CELA3A: variants seen among roughly 807,000 people sequenced by gnomAD.
The protein encoded by CELA3A is chymotrypsin like elastase 3A.
CELA3A carries 35 observed loss-of-function variants against 38.6 expected under a neutral mutation model. The observed-to-expected ratio is 0.91, with a 90% CI of 0.69 to 1.20. CELA3A has a LOEUF of 1.20. Ranked by LOEUF, CELA3A falls within the 50% of genes most tolerant of loss-of-function variation. The pLI is 0.00. For synonymous variants in CELA3A, 143 were observed against 136.7 expected (o/e 1.05, Z -0.32); for missense variants, 343 against 354.2 (o/e 0.97, Z 0.25).
At chr1:22,006,326 C>T (rs114687333) in intron 4 of CELA3A, among the ~76,000 whole-genome samples, 1,903 of 151,176 alleles carry the variant, frequency 0.013, 131 homozygotes, top group African/African-American at 0.043. Context: ...GGTGTGAAGG[C>T]CAAGGAGACA....
chr1:22,005,382 G>T, intron 2 of CELA3A, 65 bp from the exon 3 acceptor site: 1 of 1,404,390 alleles, frequency 7.1e-7, no homozygotes, highest in Non-Finnish European at 9.9e-7. Flanking sequence ...AACCTATACA[G>T]CCATTGGTGG....
intron 1 of CELA3A, 33 bp downstream of exon 1, chr1:22,001,750 G>C: frequency 1.2e-6 from 2 of 1,610,828 alleles, no homozygotes; most frequent in South Asian, 2.2e-5. Flanking sequence ...TGCTCCCTGG[G>C]CTGCCCTGGA....
intron 7 of CELA3A, 56 bp downstream of exon 7, chr1:22,009,913 G>A: frequency 1.9e-6 from 3 of 1,566,712 alleles, no homozygotes. Flanking sequence ...TCTGAGAGGT[G>A]ACAGGTGAGA....
Position 22,007,449 on chromosome 1 carries a change from C to A in CELA3A, c.576C>A (p.Asn192Lys), listed in dbSNP as rs769466909. The A allele has an allele frequency of 4.3e-6, 7 of 1,612,644 alleles. No individual in the cohort carries two copies. The South Asian group carries it at 7.7e-5, about 18-fold the overall frequency. ...VVDYKHCSRW[N>K]WWGSTVKKTM... Reference sequence around the variant, plus strand: ...ACTATAAGCACTGCTCCAGGTGGAACTGGTGGGGTTCCACCGTGAAGAAAA... The same window carrying A: ...ACTATAAGCACTGCTCCAGGTGGAAATGGTGGGGTTCCACCGTGAAGAAAA... The change falls in exon 6 of 8, where the codon AAC (asparagine) becomes AAA (lysine). Residue 192 changes from asparagine to lysine, a missense_variant. Asn to Lys is a moderately conservative substitution (Grantham distance 94). Transcript: ENST00000290122.
At chr1:22,009,947 T>G (rs1293206638) in intron 7 of CELA3A, 90 bp downstream of exon 7, 1 of 1,517,158 alleles carries the variant, frequency 6.6e-7, no homozygotes, top group African/African-American at 1.4e-5. Context: ...GGGGAGGGCC[T>G]GAAAGGATCC....
chr1:22,005,519 G>T lies in CELA3A; in HGVS notation c.202G>T (p.Val68Phe), dbSNP rs755503758. The T allele has an allele frequency of 1.2e-6, 2 of 1,613,008 alleles. No individual in the cohort carries two copies. The highest frequency in any genetic ancestry group is 1.3e-5 in the African/African-American group (1 of 74,578). ...CGGSLIAPDW[V>F]VTAGHCISRD... ...CGGTAGCCTCATCGCCCCCGATTGGGTTGTGACTGCCGGCCACTGCATCTC... is the reference window on the plus strand; with the variant it reads ...CGGTAGCCTCATCGCCCCCGATTGGTTTGTGACTGCCGGCCACTGCATCTC... The change falls in exon 3 of 8, where the codon GTT becomes TTT. Residue 68 changes from valine to phenylalanine, a missense_variant. Physicochemically the swap from Val to Phe is conservative, Grantham distance 50 (BLOSUM62 -1). Transcript: ENST00000290122.
At position 22,006,885 on chromosome 1, in the gene CELA3A, A is replaced by T; in HGVS notation, c.370A>T (p.Ile124Phe). ...CTGTTCCCTCCTCCCCAGCAATGAC[A>T]TCGCCCTCATCAAGCTCTCACGCAG... is the stretch of plus-strand genomic sequence containing the variant. ...NRSCVACGND[I>F]ALIKLSRSAQ... Residue 124 changes from isoleucine to phenylalanine, a missense_variant, in exon 5 of 8, where the codon ATC becomes TTC. Coordinates refer to ENST00000290122, the MANE Select transcript of CELA3A (RefSeq NM_005747.5). 1.2e-6 allele frequency: 2 copies of T among 1,612,202 alleles called. No individual in the cohort carries two copies. The highest frequency in any genetic ancestry group is 1.7e-6 in the Non-Finnish European group (2 of 1,179,348).
chr1:22,008,152 CTTTT>C (rs71016968), intron 6 of CELA3A, among the ~76,000 whole-genome samples: 2 of 86,844 alleles, frequency 2.3e-5, no homozygotes, highest in African/African-American at 3.7e-5. Flanking sequence ...GACGTTGTCT[CTTTT>C]TTTTTTTTTT....
intron 2 of CELA3A, among the ~76,000 whole-genome samples, 164 bp from the exon 3 acceptor site, chr1:22,005,283 C>T (rs1644942578): frequency 6.6e-6 from 1 of 151,760 alleles, no homozygotes; most frequent in Admixed American, 6.6e-5. Flanking sequence ...CCACGGGCAG[C>T]TGCCCAGGTC....
At chr1:22,004,911 C>T (rs1305191918) in intron 2 of CELA3A, among the ~76,000 whole-genome samples, 2 of 151,102 alleles carry the variant, frequency 1.3e-5, no homozygotes, top group Admixed American at 6.6e-5. Flanking sequence ...ACCAGCCTGG[C>T]CAACATGGTG....
At chr1:22,002,625 G>A (rs557715505) in intron 1 of CELA3A, 2 of 457,986 alleles carry the variant, frequency 4.4e-6, no homozygotes, top group East Asian at 6.9e-5. Context: ...TTACAGGTGT[G>A]AACCACCACA....
chr1:22,012,471 C>T lies in CELA3A; in HGVS notation c.*4C>T, dbSNP rs528190678. On this transcript the variant is annotated 3_prime_UTR_variant, in exon 8 of 8. Coordinates refer to ENST00000290122, the MANE Select transcript of CELA3A (RefSeq NM_005747.5). Reference sequence around the variant, plus strand: ...CCAGACCATAGCAAGCCACTAGAACCAAGGCCCAGCTGGCAGTGCTGATCG... The same window carrying T: ...CCAGACCATAGCAAGCCACTAGAACTAAGGCCCAGCTGGCAGTGCTGATCG... 481 of 1,266,674 alleles carry T rather than the reference C, an allele frequency of 3.8e-4. 54 individuals carry two copies. The highest frequency in any genetic ancestry group is 1.2e-3 in the Admixed American group (47 of 39,130). The allele number at this position is 1,266,674 out of a possible 1,614,324, so 78.5% of individuals were successfully genotyped here.
Position 22,007,421 on chromosome 1 carries a change from T to C in CELA3A, c.548T>C (p.Val183Ala). The change falls in exon 6 of 8, where the codon GTG (valine) becomes GCG (alanine). Residue 183 changes from valine to alanine, a missense_variant. Coordinates refer to ENST00000290122, the MANE Select transcript of CELA3A (RefSeq NM_005747.5). ...CTGCAGCAGGCCCGGCTGCCCGTGG[T>C]GGACTATAAGCACTGCTCCAGGTGG... ...DKLQQARLPV[V>A]DYKHCSRWNW... 1 of 1,612,480 alleles carries C rather than the reference T, an allele frequency of 6.2e-7. No homozygotes were observed. Among genetic ancestry groups the C allele is most frequent in the Non-Finnish European group, 8.5e-7 (1 of 1,179,414 alleles).
chr1:22,005,136 G>T (rs1644941865), intron 2 of CELA3A, among the ~76,000 whole-genome samples: 1 of 151,230 alleles, frequency 6.6e-6, no homozygotes, highest in African/African-American at 2.5e-5. Context: ...AGGGGTGCGT[G>T]ATAGAACAGA....
chr1:22,007,139 G>A lies in CELA3A; in HGVS notation c.499+125G>A, dbSNP rs182225151. 3.6e-5 allele frequency: 53 copies of A among 1,461,512 alleles called. 1 individual carries two copies. The highest frequency in any genetic ancestry group is 3.7e-4 in the Middle Eastern group (2 of 5,402). 90.5% of individuals were successfully genotyped at this position (1,461,512 alleles called of 1,614,324 possible). On this transcript the variant is annotated intron_variant, in intron 5 of 7. Coordinates refer to ENST00000290122, the MANE Select transcript of CELA3A (RefSeq NM_005747.5). The stretch of plus-strand genomic sequence containing the variant: ...TTTCTCCCATTTCTCTCCAGCTGCA[G>A]CCTTCTTCCATCAACCTCCAAAACA...
rs1179820377 is a variant in CELA3A at position 22,011,679 on chromosome 1, G to A, written c.796-771G>A. Among the ~76,000 whole-genome samples, 37 of 123,652 alleles carry A rather than the reference G, an allele frequency of 3.0e-4. 11 individuals are homozygous for A. The highest frequency in any genetic ancestry group is 1.0e-3 in the African/African-American group (31 of 29,776). 81.1% of individuals were successfully genotyped at this position (123,652 alleles called of 152,430 possible). On this transcript the variant is annotated intron_variant, in intron 7 of 7. Transcript: ENST00000290122. ...GGAGGTTGAGGCAGAAGAATTGCTC[G>A]AACTCAGGAGGCAGAGGTTGCAGTA... is the stretch of plus-strand genomic sequence containing the variant.
intron 6 of CELA3A, among the ~76,000 whole-genome samples, chr1:22,007,885 C>T (rs1644960638): frequency 6.6e-6 from 1 of 151,154 alleles, no homozygotes; most frequent in Non-Finnish European, 1.5e-5. Context: ...GGCACAGTCC[C>T]TCCTGCCTAT....
At chr1:22,003,515 T>C (rs1239443404) in intron 2 of CELA3A, among the ~76,000 whole-genome samples, 1 of 150,550 alleles carries the variant, frequency 6.6e-6, no homozygotes, top group African/African-American at 2.5e-5. Context: ...GCTGTGGCTA[T>C]TTAAATTTAA....
chr1:22,005,858 G>T, intron 4 of CELA3A, 62 bp downstream of exon 4: 1 of 1,605,044 alleles, frequency 6.2e-7, no homozygotes, highest in Admixed American at 1.7e-5. Context: ...ATGACCCACA[G>T]CCAAGTCTGA....
Sources: allele counts gnomAD v4.1 joint callset (sites outside exome capture counted in the v4.1 genomes callset), GRCh38; gene constraint gnomAD v4.1.1; transcripts MANE v1.5; gene names NCBI Gene and HGNC (gene_info 2026-07-23, HGNC 2026-07-21).